DCAF17: variants seen among roughly 807,000 people sequenced by gnomAD.
DCAF17 encodes the protein DDB1 and CUL4 associated factor 17, also known as DDB1- and CUL4-associated factor 17.
Under a neutral mutation model 66.0 loss-of-function variants are expected in DCAF17, and 48 were observed. That is an observed-to-expected ratio of 0.73 (90% CI 0.58 to 0.92). The LOEUF is 0.92. Among genes scored for constraint, DCAF17 ranks in the 40% least tolerant of loss-of-function variants. The pLI is 0.00. For synonymous variants in DCAF17, 206 were observed against 214.6 expected, an observed-to-expected ratio of 0.96 and a Z score of 0.35; for missense variants, 562 against 622.8, an observed-to-expected ratio of 0.90 and a Z score of 1.04.
intron 5 of DCAF17, among the ~76,000 whole-genome samples, chr2:171,451,071 T>C (rs1402873544): frequency 6.6e-6 from 1 of 152,058 alleles, no homozygotes; most frequent in African/African-American, 2.4e-5. Context: ...AGTAGTTCCT[T>C]TAATTTTACC....
chr2:171,473,393 C>T (rs1445145080), intron 9 of DCAF17, among the ~76,000 whole-genome samples: 2 of 151,908 alleles, frequency 1.3e-5, no homozygotes, highest in Non-Finnish European at 2.9e-5. Flanking sequence ...TCACTTGAGG[C>T]CAGGAGTTTG....
Position 171,434,720 on chromosome 2 carries a change from C to T in DCAF17, c.126+17C>T, listed in dbSNP as rs1693706854. On this transcript the variant is annotated intron_variant, in intron 1 of 13. Coordinates refer to ENST00000375255, the MANE Select transcript of DCAF17 (RefSeq NM_025000.4). ...GTGTGCCAGGTGACCGCCAGCCGGC[C>T]GGGGCGGGACGGAGGGCCGCGGGCG... 2.1e-6 allele frequency: 3 copies of T among 1,423,580 alleles called. No homozygotes were observed. The highest frequency in any genetic ancestry group is 2.7e-6 in the Non-Finnish European group (3 of 1,101,874). 88.2% of individuals were successfully genotyped at this position (1,423,580 alleles called of 1,614,324 possible).
chr2:171,472,512 T>G (rs1381179288), intron 9 of DCAF17, among the ~76,000 whole-genome samples: 2 of 152,186 alleles, frequency 1.3e-5, no homozygotes, highest in East Asian at 3.8e-4. Flanking sequence ...TTTTACTGTC[T>G]CTTATTTGTA....
At chr2:171,442,152 CTGTT>C (rs1350796784) in intron 2 of DCAF17, among the ~76,000 whole-genome samples, 3 of 152,114 alleles carry the variant, frequency 2.0e-5, no homozygotes, top group African/African-American at 7.2e-5. Context: ...TCTTGTGAAA[CTGTT>C]TGGTTTAAAC....
At chr2:171,472,818 C>T in intron 9 of DCAF17, 1 of 232,258 alleles carries the variant, frequency 4.3e-6, no homozygotes, top group Non-Finnish European at 9.4e-6. Flanking sequence ...TTTAGTGTTT[C>T]AAAACTCATG....
chr2:171,473,272 A>G (rs1696343178), intron 9 of DCAF17, among the ~76,000 whole-genome samples: 1 of 152,184 alleles, frequency 6.6e-6, no homozygotes, highest in African/African-American at 2.4e-5. Flanking sequence ...TGGAAAGTCC[A>G]TGGATTTTGG....
chr2:171,448,995 C>T (rs540557265), intron 4 of DCAF17, among the ~76,000 whole-genome samples, 178 bp downstream of exon 4: 8 of 151,684 alleles, frequency 5.3e-5, no homozygotes, highest in East Asian at 3.9e-4. Flanking sequence ...GTATAGAGAC[C>T]CTCTATCATT....
chr2:171,447,385 G>T (rs1322884910), intron 3 of DCAF17: 4 of 362,894 alleles, frequency 1.1e-5, no homozygotes, highest in Non-Finnish European at 1.1e-5. Context: ...TCTTTTTTGA[G>T]ATGGAGTCTT....
At position 171,441,348 on chromosome 2, in the gene DCAF17, G is replaced by A. The variant is rs370439514; in HGVS notation, c.231-2175G>A. On this transcript the variant is annotated intron_variant, in intron 2 of 13. Transcript: ENST00000375255. ...CTCTAGAAGCTGCGCACTTGGAGTT[G>A]AGGAAACACTGACCTCAGATCTTCC... Among the ~76,000 whole-genome samples, 12 of 152,276 alleles carry A rather than the reference G, an allele frequency of 7.9e-5. 1 individual carries two copies. The highest frequency in any genetic ancestry group is 2.9e-4 in the African/African-American group (12 of 41,532).
chr2:171,446,980 A>G (rs528096266), intron 3 of DCAF17, among the ~76,000 whole-genome samples: 38 of 152,304 alleles, frequency 2.5e-4, no homozygotes, highest in East Asian at 3.9e-4. Context: ...TGTCTTTACT[A>G]TCAAGAACTC....
chr2:171,466,283 A>T (rs749618871), intron 8 of DCAF17, among the ~76,000 whole-genome samples: 2 of 152,218 alleles, frequency 1.3e-5, no homozygotes, highest in Non-Finnish European at 2.9e-5. Flanking sequence ...TTCTTTGATA[A>T]ATAGTAAAGT....
chr2:171,467,737 A>C (rs1030178531), intron 8 of DCAF17, among the ~76,000 whole-genome samples: 3 of 150,042 alleles, frequency 2.0e-5, no homozygotes, highest in Non-Finnish European at 1.5e-5. Flanking sequence ...CAAAAAAAAA[A>C]AAAAAAAAAA....
intron 6 of DCAF17, among the ~76,000 whole-genome samples, chr2:171,457,174 T>A (rs775497773): frequency 6.6e-6 from 1 of 152,196 alleles, no homozygotes; most frequent in African/African-American, 2.4e-5. Flanking sequence ...TTCTAAGAGA[T>A]GACAAAAAAT....
Position 171,446,927 on chromosome 2 carries a change from G to A in DCAF17, c.322-1754G>A, listed in dbSNP as rs142873393. ...TTCAAAAAACTATTTGAGATCAAGG[G>A]ACAATGGTGTGACCAATATGAAGGG... On this transcript the variant is annotated intron_variant, in intron 3 of 13. Transcript: ENST00000375255. Among the ~76,000 whole-genome samples the A allele has an allele frequency of 7.9e-3, 1,197 of 152,170 alleles. 8 individuals carry two copies. Among genetic ancestry groups the A allele is most frequent in the Middle Eastern group, 0.017 (5 of 294 alleles).
intron 8 of DCAF17, among the ~76,000 whole-genome samples, chr2:171,460,674 G>T (rs1695535681): frequency 6.6e-6 from 1 of 151,994 alleles, no homozygotes; most frequent in African/African-American, 2.4e-5. Flanking sequence ...GGGACTACAG[G>T]TGCATGCCAC....
intron 8 of DCAF17, among the ~76,000 whole-genome samples, chr2:171,467,727 CA>C (rs34238683): frequency 0.026 from 1,814 of 68,690 alleles, 16 homozygotes; most frequent in Middle Eastern, 0.037. Flanking sequence ...GAGACTGTCT[CA>C]AAAAAAAAAA....
chr2:171,466,056 G>A (rs1277175904), intron 8 of DCAF17, among the ~76,000 whole-genome samples: 2 of 151,976 alleles, frequency 1.3e-5, no homozygotes, highest in Non-Finnish European at 2.9e-5. Context: ...TAGAGGTGAG[G>A]TTTTGCCATG....
intron 2 of DCAF17, among the ~76,000 whole-genome samples, chr2:171,441,169 A>T (rs769280254): frequency 2.0e-5 from 3 of 152,168 alleles, no homozygotes; most frequent in Non-Finnish European, 4.4e-5. Context: ...TAACTTCTCC[A>T]CACTCTGTTG....
chr2:171,434,560 G>T lies in DCAF17; in HGVS notation c.-18G>T. ...CCACTCGGCGGCCCAGCCTACCCAG[G>T]GCCCGGCCCGCGCCTCCATGGGCCC... is the stretch of plus-strand genomic sequence containing the variant. On this transcript the variant is annotated 5_prime_UTR_variant, in exon 1 of 14. Transcript: ENST00000375255. 6.6e-7 allele frequency: 1 copy of T among 1,525,436 alleles called. No homozygotes were observed. The allele number at this position is 1,525,436 out of a possible 1,614,324, so 94.5% of individuals were successfully genotyped here.
Sources: allele counts gnomAD v4.1 joint callset (sites outside exome capture counted in the v4.1 genomes callset), GRCh38; gene constraint gnomAD v4.1.1; transcripts MANE v1.5; gene names NCBI Gene and HGNC (gene_info 2026-07-23, HGNC 2026-07-21).